Variants in ADCY2 observed in about 807,000 individuals in gnomAD.
The protein encoded by ADCY2 is adenylate cyclase type 2.
ADCY2 carries 31 observed loss-of-function variants against 125.2 expected under a neutral mutation model. The observed-to-expected ratio is 0.25, with a 90% CI of 0.19 to 0.33. The LOEUF is 0.33. Among genes scored for constraint, ADCY2 ranks in the 10% least tolerant of loss-of-function variants. The pLI, the probability that ADCY2 is intolerant of heterozygous loss-of-function variation, is 1.00. For missense variants in ADCY2, 904 were observed against 1,418.2 expected, an observed-to-expected ratio of 0.64 and a Z score of 5.82; for synonymous variants, 512 against 548.4, an observed-to-expected ratio of 0.93 and a Z score of 0.93.
rs1741343611 is a variant in ADCY2 at position 7,448,149 on chromosome 5, G to GTGTCACCAAC, written c.408+33379_408+33380insTGTCACCAAC. 2.6e-5 allele frequency among the ~76,000 whole-genome samples: 4 copies of GTGTCACCAAC among 152,314 alleles called. No individual in the cohort carries two copies. In the South Asian group the frequency reaches 8.3e-4, roughly 32 times the overall value. On this transcript the variant is annotated intron_variant, in intron 2 of 24. Transcript: ENST00000338316. ...GCTTCTTCTAATCCCACAAGACCCT[G>GTGTCACCAAC]AGGTAGGGATGGGGTCTTTCTGGTT... is the stretch of plus-strand genomic sequence containing the variant.
chr5:7,662,682 C>G (rs550829746), intron 4 of ADCY2, among the ~76,000 whole-genome samples: 1 of 152,196 alleles, frequency 6.6e-6, no homozygotes, highest in Non-Finnish European at 1.5e-5. Flanking sequence ...CCAAAGCCAC[C>G]GCGGTTTCCT....
intron 3 of ADCY2, among the ~76,000 whole-genome samples, chr5:7,552,051 A>C (rs1211495345): frequency 6.6e-6 from 1 of 152,218 alleles, no homozygotes; most frequent in Non-Finnish European, 1.5e-5. Context: ...TAAAATTACT[A>C]TCAATGGCTT....
chr5:7,500,543 T>G (rs1203267539), intron 2 of ADCY2, among the ~76,000 whole-genome samples: 1 of 152,128 alleles, frequency 6.6e-6, no homozygotes, highest in Non-Finnish European at 1.5e-5. Flanking sequence ...TTTACCCAGG[T>G]AGTCTTTCTC....
At chr5:7,446,537 AATAC>A (rs59436276) in intron 2 of ADCY2, among the ~76,000 whole-genome samples, 4,077 of 150,816 alleles carry the variant, frequency 0.027, 90 homozygotes, top group East Asian at 0.11. Flanking sequence ...CTCTGAAATA[AATAC>A]ATACATACAT....
In ADCY2 at chr5:7,712,911, CTCTA is replaced by C. The variant is rs1741484812; in HGVS notation, c.1622+16_1622+19del. 5 of 1,586,466 alleles carry C rather than the reference CTCTA, an allele frequency of 3.2e-6. No homozygotes were observed. Among genetic ancestry groups the C allele is most frequent in the South Asian group, 1.1e-5 (1 of 90,236 alleles). On this transcript the variant is annotated intron_variant, in intron 11 of 24. Coordinates refer to ENST00000338316, the MANE Select transcript of ADCY2 (RefSeq NM_020546.3). Reference sequence around the variant, plus strand: ...AATCGCACCTTAAGGTATGGTATCTCTCTATCTGATTTTTTAAAGCTTATTGCTC... The same window carrying C: ...AATCGCACCTTAAGGTATGGTATCTCTCTGATTTTTTAAAGCTTATTGCTC...
chr5:7,484,134 C>A (rs1175419038), intron 2 of ADCY2, among the ~76,000 whole-genome samples: 12 of 152,100 alleles, frequency 7.9e-5, no homozygotes, highest in Non-Finnish European at 8.8e-5. Flanking sequence ...TGACAAAATA[C>A]AATGTTAAAT....
At chr5:7,561,430 T>G (rs56405930) in intron 3 of ADCY2, among the ~76,000 whole-genome samples, 6,520 of 152,282 alleles carry the variant, frequency 0.043, 456 homozygotes, top group African/African-American at 0.15. Context: ...AACACAATGG[T>G]AAGCGTTTGG....
intron 4 of ADCY2, among the ~76,000 whole-genome samples, chr5:7,666,064 T>A (rs559555764): frequency 2.0e-5 from 3 of 151,676 alleles, no homozygotes; most frequent in South Asian, 2.1e-4. Flanking sequence ...GGTCTCGATC[T>A]CCTGACCTCG....
chr5:7,419,486 G>A lies in ADCY2; in HGVS notation c.408+4716G>A, dbSNP rs562174801. ...GCCGAAGCTCAACTGAGCCTTTGAT[G>A]TTCAGAGTTCTCCACTGGGGCTCAA... On this transcript the variant is annotated intron_variant, in intron 2 of 24. Transcript: ENST00000338316. Among the ~76,000 whole-genome samples, 67 of 152,278 alleles carry A rather than the reference G, an allele frequency of 4.4e-4. No individual in the cohort carries two copies. In the South Asian group the frequency reaches 0.014, roughly 31 times the overall value.
intron 2 of ADCY2, among the ~76,000 whole-genome samples, chr5:7,493,646 A>G (rs1461182381): frequency 6.6e-6 from 1 of 152,110 alleles, no homozygotes; most frequent in Non-Finnish European, 1.5e-5. Flanking sequence ...TGTGAATTTG[A>G]GGAGATTGGC....
At chr5:7,702,227 T>TC (rs200356339) in intron 7 of ADCY2, among the ~76,000 whole-genome samples, 1 of 143,740 alleles carries the variant, frequency 7.0e-6, no homozygotes, top group Non-Finnish European at 1.5e-5. Context: ...CCCTGTTTCT[T>TC]TTTTTTTTTT....
At chr5:7,632,923 C>T (rs544129037) in intron 4 of ADCY2, among the ~76,000 whole-genome samples, 89 of 152,224 alleles carry the variant, frequency 5.8e-4, no homozygotes, top group Middle Eastern at 3.4e-3. Context: ...CACAAATTTG[C>T]GAAGATTGCA....
chr5:7,693,406 G>GTGTTTTT (rs1740772991), intron 5 of ADCY2, among the ~76,000 whole-genome samples: 4 of 58,664 alleles, frequency 6.8e-5, no homozygotes, highest in African/African-American at 2.3e-4. Context: ...ATTGCCTGCT[G>GTGTTTTT]TTTTTTGTTT....
At chr5:7,736,729 AG>A (rs1431606198) in intron 14 of ADCY2, among the ~76,000 whole-genome samples, 1 of 152,194 alleles carries the variant, frequency 6.6e-6, no homozygotes, top group Admixed American at 6.5e-5. Context: ...TCAAAAAAAA[AG>A]AAACATTGAA....
At chr5:7,816,845 C>T in intron 22 of ADCY2, 21 bp from the exon 23 acceptor site, 5 of 1,599,250 alleles carry the variant, frequency 3.1e-6, no homozygotes, top group Non-Finnish European at 3.4e-6. Context: ...CTTCCATCTG[C>T]CTGTGTGTGT....
intron 3 of ADCY2, among the ~76,000 whole-genome samples, chr5:7,526,901 C>T (rs1734487991): frequency 1.3e-5 from 2 of 152,080 alleles, no homozygotes; most frequent in Non-Finnish European, 2.9e-5. Context: ...TTATATTATC[C>T]ACGTTAAGAA....
chr5:7,419,947 C>T (rs113356884), intron 2 of ADCY2, among the ~76,000 whole-genome samples: 1 of 152,116 alleles, frequency 6.6e-6, no homozygotes, highest in Non-Finnish European at 1.5e-5. Flanking sequence ...AGTGCAGAGA[C>T]GAAGGCACAG....
intron 3 of ADCY2, among the ~76,000 whole-genome samples, chr5:7,551,285 A>C (rs1164686578): frequency 1.3e-5 from 2 of 152,138 alleles, no homozygotes; most frequent in South Asian, 2.1e-4. Flanking sequence ...AGTTCATGAC[A>C]GTTAGGATTC....
chr5:7,818,116 T>C (rs2126538832), intron 23 of ADCY2, among the ~76,000 whole-genome samples: 1 of 152,282 alleles, frequency 6.6e-6, no homozygotes, highest in East Asian at 1.9e-4. Flanking sequence ...AGTCAGTTTA[T>C]ATAAGAGCAG....
Sources: gnomAD v4.1 joint callset for allele counts (sites outside exome capture counted in the v4.1 genomes callset) on GRCh38, gnomAD v4.1.1 for gene constraint, MANE v1.5 for transcripts, NCBI Gene and HGNC (gene_info 2026-07-23, HGNC 2026-07-21) for gene names.